CSNK1D: variants seen among roughly 807,000 people sequenced by gnomAD.
CSNK1D encodes the protein casein kinase I isoform delta.
In CSNK1D, 16 loss-of-function variants were observed where a neutral mutation model predicts 46.6. The observed-to-expected ratio is 0.34, with a 90% CI of 0.23 to 0.52. The LOEUF is 0.52. CSNK1D is among the 20% of genes least tolerant of loss of function. CSNK1D has a pLI of 0.95. For synonymous variants in CSNK1D, 276 were observed against 228.2 expected (o/e 1.21, Z -1.89); for missense variants, 398 against 578.4 (o/e 0.69, Z 3.20).
chr17:82,255,170 G>A lies in CSNK1D; in HGVS notation c.336+259C>T, dbSNP rs1436160935. On this transcript the variant is annotated intron_variant, in intron 3 of 8. Coordinates refer to ENST00000314028, the MANE Select transcript of CSNK1D (RefSeq NM_001893.6). The surrounding 1 kb of genome is among the most constrained non-coding windows in gnomAD (Gnocchi z 5.9). ...CAGTGAGCTGGGCCGCCGGAGCCTC[G>A]AGAAGCCAGTGAGCTGGGCCGCCGG... The A allele has an allele frequency of 3.8e-5, 18 of 479,106 alleles. No individual in the cohort carries two copies. Among genetic ancestry groups the A allele is most frequent in the South Asian group, 2.6e-4 (13 of 49,206 alleles). 29.7% of individuals were successfully genotyped at this position (479,106 alleles called of 1,614,324 possible). A position where few individuals can be genotyped will look rare whatever the true frequency, so the allele number is the denominator to read the frequency against.
At chr17:82,254,431 T>G (rs2051108396) in intron 3 of CSNK1D, 1 of 246,002 alleles carries the variant, frequency 4.1e-6, no homozygotes, top group Non-Finnish European at 7.3e-6. Context: ...CGCCGGAGCC[T>G]CGAGAAGCCA....
intron 1 of CSNK1D, among the ~76,000 whole-genome samples, chr17:82,269,447 G>A (rs2051562327): frequency 2.0e-5 from 3 of 152,152 alleles, no homozygotes; most frequent in African/African-American, 4.8e-5. Flanking sequence ...AGCATCTTGG[G>A]GCCCTATTGC....
chr17:82,253,902 C>T (rs1326494743), intron 3 of CSNK1D: 71 of 216,474 alleles, frequency 3.3e-4, no homozygotes, highest in Non-Finnish European at 4.5e-4. Context: ...GCTGAGCCGC[C>T]GGAGCCTCGA....
intron 8 of CSNK1D, chr17:82,246,982 G>A (rs1256275011): frequency 2.0e-6 from 2 of 985,364 alleles, no homozygotes; most frequent in Admixed American, 6.1e-5. Context: ...TGCTGGTGCT[G>A]GCAGAGTCTG....
intron 8 of CSNK1D, chr17:82,247,118 C>T: frequency 1.0e-6 from 1 of 985,438 alleles, no homozygotes; most frequent in Non-Finnish European, 1.2e-6. Context: ...GAGCAGAGGC[C>T]AAGAGGCTTC....
At position 82,272,854 on chromosome 17, in the gene CSNK1D, C is replaced by T. The variant is rs980046818; in HGVS notation, c.76+452G>A. Among the ~76,000 whole-genome samples the T allele has an allele frequency of 2.0e-5, 3 of 152,186 alleles. No homozygotes were observed. In the East Asian group the frequency reaches 5.8e-4, roughly 30 times the overall value. ...TGACCTTAGGCGTAGAGGAAGCCGA[C>T]GCCCGCTTCGCGGCCCCAGCCCTAC... On this transcript the variant is annotated intron_variant, in intron 1 of 8. Coordinates refer to ENST00000314028, the MANE Select transcript of CSNK1D (RefSeq NM_001893.6).
chr17:82,242,343 T>C (rs1009929836), downstream of CSNK1D, among the ~76,000 whole-genome samples: 2 of 152,176 alleles, frequency 1.3e-5, no homozygotes, highest in African/African-American at 2.4e-5. Context: ...GGAAGGGACA[T>C]GCGCTCACCC....
At chr17:82,246,733 G>C (rs1212567210) in intron 8 of CSNK1D, 1 of 992,264 alleles carries the variant, frequency 1.0e-6, no homozygotes, top group East Asian at 1.1e-4. Context: ...AGCAAGCCCT[G>C]GGAGACCTTC....
rs2051045456 is a variant in CSNK1D at position 82,252,730 on chromosome 17, C to T, written c.566-126G>A. 4.9e-6 allele frequency: 5 copies of T among 1,027,888 alleles called. No individual in the cohort carries two copies. In the South Asian group the frequency reaches 6.8e-5, roughly 14 times the overall value. 63.7% of individuals were successfully genotyped at this position (1,027,888 alleles called of 1,614,324 possible). A position where few individuals can be genotyped will look rare whatever the true frequency, so the allele number is the denominator to read the frequency against. Reference sequence around the variant, plus strand: ...CATGCCCAGATCACTCCAGCTGGCACTTCCAGTGGAGACGAACCTCGGACA... The same window carrying T: ...CATGCCCAGATCACTCCAGCTGGCATTTCCAGTGGAGACGAACCTCGGACA... On this transcript the variant is annotated intron_variant, in intron 4 of 8. Transcript: ENST00000314028. The surrounding 1 kb of genome is among the most constrained non-coding windows in gnomAD (Gnocchi z 4.6).
In CSNK1D at chr17:82,248,691, C is replaced by A; in HGVS notation, c.1197+184G>T. ...GGAGACAAGCCCCATGACGGCCCAG[C>A]ATGTCTCCCAGGCCCTCCCGAGAAG... On this transcript the variant is annotated intron_variant, in intron 8 of 8. Coordinates refer to ENST00000314028, the MANE Select transcript of CSNK1D (RefSeq NM_001893.6). This position sits in a 1 kb window ranked among gnomAD's most constrained non-coding sequence, Gnocchi z 4.1. The A allele has an allele frequency of 7.0e-7, 1 of 1,431,310 alleles. No homozygotes were observed. The allele number at this position is 1,431,310 out of a possible 1,614,324, so 88.7% of individuals were successfully genotyped here.
rs376222996 is a variant in CSNK1D at position 82,245,986 on chromosome 17, C to T, written c.1198-1155G>A. ...CACGCGCACACTCACCCAGTGCTGC[C>T]TTCCGATGGGAGACGAGCAGCTACT... On this transcript the variant is annotated intron_variant, in intron 8 of 8. Coordinates refer to ENST00000314028, the MANE Select transcript of CSNK1D (RefSeq NM_001893.6). The T allele has an allele frequency of 4.2e-4, 671 of 1,606,192 alleles. 1 individual carries two copies. The highest frequency in any genetic ancestry group is 1.2e-3 in the Admixed American group (73 of 59,182).
In CSNK1D at chr17:82,243,367, T is replaced by C. The variant is rs760146661; in HGVS notation, c.*1414A>G. 1.4e-4 allele frequency: 138 copies of C among 985,314 alleles called. No homozygotes were observed. The highest frequency in any genetic ancestry group is 4.5e-4 in the East Asian group (4 of 8,824). The allele number at this position is 985,314 out of a possible 1,614,324, so 61.0% of individuals were successfully genotyped here. ...CCACGAACACAGACTGCCCTGCGCA[T>C]TGGGGTTGGGAGCACATGGCCACTG... On this transcript the variant is annotated 3_prime_UTR_variant, in exon 9 of 9. Coordinates refer to ENST00000314028, the MANE Select transcript of CSNK1D (RefSeq NM_001893.6).
At chr17:82,271,316 C>T (rs1161814762) in intron 1 of CSNK1D, among the ~76,000 whole-genome samples, 1 of 152,164 alleles carries the variant, frequency 6.6e-6, no homozygotes, top group African/African-American at 2.4e-5. Context: ...GCGACCCGCC[C>T]ACCTCAGCTT....
chr17:82,241,870 A>G (rs1332354550), downstream of CSNK1D, among the ~76,000 whole-genome samples: 4 of 152,238 alleles, frequency 2.6e-5, no homozygotes, highest in Non-Finnish European at 5.9e-5. Context: ...AGTGCATCAC[A>G]GGCAGAGTTG....
chr17:82,265,588 G>C, intron 2 of CSNK1D, 98 bp downstream of exon 2: 1 of 962,168 alleles, frequency 1.0e-6, no homozygotes, highest in Non-Finnish European at 1.7e-6. Flanking sequence ...CTTTTGCCCA[G>C]AACCAGTTTT....
chr17:82,265,787 A>C lies in CSNK1D; in HGVS notation c.86T>G (p.Ile29Ser). 1.2e-6 allele frequency: 2 copies of C among 1,613,840 alleles called. No homozygotes were observed. The highest frequency in any genetic ancestry group is 1.7e-6 in the Non-Finnish European group (2 of 1,179,772). The change falls in exon 2 of 9, where the codon ATT becomes AGT. Residue 29 changes from isoleucine to serine, a missense_variant. Physicochemically the swap from Ile to Ser is moderately radical, Grantham distance 142. This residue lies in a region of CSNK1D where 217 missense variants were observed against 370.3 expected (regional missense o/e 0.59). Coordinates refer to ENST00000314028, the MANE Select transcript of CSNK1D (RefSeq NM_001893.6). ...GATGGCAACCTCTTCTCCTGCAGCA[A>C]TGTCCGTACCTTGGCAAAGAAAGAA... ...SFGDIYLGTD[I>S]AAGEEVAIKL...
At chr17:82,260,097 A>G (rs372623605) in intron 2 of CSNK1D, among the ~76,000 whole-genome samples, 21 of 139,792 alleles carry the variant, frequency 1.5e-4, no homozygotes, top group East Asian at 4.4e-4. Context: ...ACTGACTGAT[A>G]TGACTGATGG....
At position 82,251,365 on chromosome 17, in the gene CSNK1D, G is replaced by A. The variant is rs774259275; in HGVS notation, c.885+14C>T. ...CACACCACACTCAGCGAACGTGCTG[G>A]CAGTGCGACTTACAAATTTGAGCAT... On this transcript the variant is annotated intron_variant, in intron 6 of 8. Transcript: ENST00000314028. The surrounding 1 kb of genome is among the most constrained non-coding windows in gnomAD (Gnocchi z 4.5). 6.8e-6 allele frequency: 11 copies of A among 1,613,892 alleles called. No individual in the cohort carries two copies. The Admixed American group carries it at 8.3e-5, about 12-fold the overall frequency.
chr17:82,269,701 T>G (rs560660950), intron 1 of CSNK1D, among the ~76,000 whole-genome samples: 13 of 152,176 alleles, frequency 8.5e-5, no homozygotes, highest in Non-Finnish European at 1.9e-4. Context: ...GCCACTAACC[T>G]CCAGAACACA....
Sources: allele counts gnomAD v4.1 joint callset (sites outside exome capture counted in the v4.1 genomes callset), GRCh38; gene constraint gnomAD v4.1.1; regional missense constraint gnomAD v4.1.1; non-coding constraint Gnocchi (gnomAD v3.1); transcripts MANE v1.5; gene names NCBI Gene and HGNC (gene_info 2026-07-23, HGNC 2026-07-21).